PTPRD: variants seen among roughly 807,000 people sequenced by gnomAD.
PTPRD encodes receptor-type tyrosine-protein phosphatase delta.
Under a neutral mutation model 214.5 loss-of-function variants are expected in PTPRD, and 34 were observed. The ratio of observed to expected loss-of-function variants is 0.16; its 90% CI spans 0.12 to 0.21. The LOEUF (loss-of-function observed/expected upper bound fraction) is 0.21. Among genes scored for constraint, PTPRD ranks in the 10% least tolerant of loss-of-function variants. The pLI is 1.00. For synonymous variants in PTPRD, 1,128 were observed against 845.7 expected (o/e 1.33, Z -5.79); for missense variants, 2,545 against 2,398.7 (o/e 1.06, Z -1.27).
chr9:10,115,943 T>C (rs2098727385), intron 3 of PTPRD, among the ~76,000 whole-genome samples: 1 of 152,058 alleles, frequency 6.6e-6, no homozygotes, highest in Admixed American at 6.6e-5. Flanking sequence ...GAATAACTGG[T>C]TGTTTATGGA....
intron 2 of PTPRD, among the ~76,000 whole-genome samples, chr9:10,472,424 G>T (rs1009915576): frequency 6.6e-6 from 1 of 152,054 alleles, no homozygotes; most frequent in African/African-American, 2.4e-5. Flanking sequence ...TGCAAATGTG[G>T]TCCACAAACC....
rs187278537 is a variant in PTPRD at position 10,233,979 on chromosome 9, C to T, written c.-545+106984G>A. 2.7e-3 allele frequency among the ~76,000 whole-genome samples: 402 copies of T among 151,682 alleles called. 3 individuals are homozygous for T. Among genetic ancestry groups the T allele is most frequent in the African/African-American group, 9.4e-3 (389 of 41,424 alleles). On this transcript the variant is annotated intron_variant, in intron 3 of 45. Coordinates refer to ENST00000381196, the MANE Select transcript of PTPRD (RefSeq NM_002839.4). The stretch of plus-strand genomic sequence containing the variant: ...TCTTAATAACCACCCAGAATGAAAG[C>T]AAGATGATCACGCCTGTAATCCCAG...
chr9:9,127,536 T>G (rs28709308), intron 10 of PTPRD, among the ~76,000 whole-genome samples: 7,600 of 152,192 alleles, frequency 0.05, 436 homozygotes, highest in African/African-American at 0.13. Context: ...CTGAAAGGTT[T>G]GACTTGAGCA....
At chr9:10,206,805 G>C (rs73641884) in intron 3 of PTPRD, among the ~76,000 whole-genome samples, 6,442 of 152,140 alleles carry the variant, frequency 0.042, 165 homozygotes, top group Middle Eastern at 0.089. Flanking sequence ...ATCATTAGTA[G>C]CTACATAGAT....
At chr9:9,206,967 A>C in intron 9 of PTPRD, among the ~76,000 whole-genome samples, 1 of 152,326 alleles carries the variant, frequency 6.6e-6, no homozygotes, top group Admixed American at 6.5e-5. Flanking sequence ...GAGAACCCTG[A>C]CTAATACAAA....
chr9:9,441,242 G>C (rs1275496587), intron 8 of PTPRD, among the ~76,000 whole-genome samples: 1 of 152,134 alleles, frequency 6.6e-6, no homozygotes, highest in Non-Finnish European at 1.5e-5. Context: ...GGTGTGGGAG[G>C]CATAACTATG....
chr9:8,692,210 C>A (rs2097822119), intron 12 of PTPRD, among the ~76,000 whole-genome samples: 1 of 152,204 alleles, frequency 6.6e-6, no homozygotes, highest in African/African-American at 2.4e-5. Context: ...TTAGAGAAGG[C>A]TGACTGCTGT....
At chr9:10,380,198 C>A (rs1174175026) in intron 2 of PTPRD, among the ~76,000 whole-genome samples, 1 of 152,024 alleles carries the variant, frequency 6.6e-6, no homozygotes, top group African/African-American at 2.4e-5. Context: ...AAAAGAAACA[C>A]ATAGAGATGT....
intron 3 of PTPRD, among the ~76,000 whole-genome samples, chr9:10,202,261 A>G (rs1029408621): frequency 6.6e-6 from 1 of 152,014 alleles, no homozygotes; most frequent in African/African-American, 2.4e-5. Context: ...ACATTCTAAT[A>G]ATACAGTCAT....
chr9:9,745,974 C>T (rs190800785), intron 6 of PTPRD, among the ~76,000 whole-genome samples: 312 of 152,090 alleles, frequency 2.1e-3, no homozygotes, highest in African/African-American at 7.1e-3. Context: ...ATCTTCATTG[C>T]TTGGGATGGG....
chr9:10,211,232 G>A (rs1255461774), intron 3 of PTPRD, among the ~76,000 whole-genome samples: 1 of 151,990 alleles, frequency 6.6e-6, no homozygotes. Context: ...AGAAATAAAA[G>A]CCATTGATTT....
intron 11 of PTPRD, among the ~76,000 whole-genome samples, chr9:8,904,094 C>T (rs1227519296): frequency 1.3e-5 from 2 of 152,206 alleles, no homozygotes; most frequent in South Asian, 2.1e-4. Context: ...ACATTCTCTT[C>T]ACCAATTGTG....
At chr9:8,553,150 C>T (rs1159918022) in intron 14 of PTPRD, among the ~76,000 whole-genome samples, 1 of 152,170 alleles carries the variant, frequency 6.6e-6, no homozygotes, top group Non-Finnish European at 1.5e-5. Flanking sequence ...TAGTGACCTG[C>T]TTTACAAAGT....
intron 2 of PTPRD, among the ~76,000 whole-genome samples, chr9:10,462,610 G>C (rs1167720603): frequency 6.6e-6 from 1 of 152,014 alleles, no homozygotes; most frequent in Non-Finnish European, 1.5e-5. Flanking sequence ...TTTTTGTCTG[G>C]ATAAGAGTAA....
At chr9:8,612,809 C>A (rs1192941913) in intron 14 of PTPRD, among the ~76,000 whole-genome samples, 1 of 152,160 alleles carries the variant, frequency 6.6e-6, no homozygotes, top group Non-Finnish European at 1.5e-5. Flanking sequence ...GAAGACATTT[C>A]ACATTCTTTT....
At chr9:9,694,062 AAGGTTAT>A (rs1325689891) in intron 7 of PTPRD, among the ~76,000 whole-genome samples, 2 of 152,158 alleles carry the variant, frequency 1.3e-5, no homozygotes, top group African/African-American at 4.8e-5. Context: ...TTTTGCCTCA[AAGGTTAT>A]ATAGCTCTGT....
chr9:8,733,923 T>C lies in PTPRD; in HGVS notation c.-80A>G. ...CGCAGCGAGTCTGTCCGATCTGAAA[T>C]TTCAGCTGGAACACTTTCAGAGCCT... is the stretch of plus-strand genomic sequence containing the variant. On this transcript the variant is annotated 5_prime_UTR_variant, in exon 12 of 46. Coordinates refer to ENST00000381196, the MANE Select transcript of PTPRD (RefSeq NM_002839.4). The C allele has an allele frequency of 3.5e-6, 5 of 1,416,058 alleles. No individual in the cohort carries two copies. Among genetic ancestry groups the C allele is most frequent in the Non-Finnish European group, 4.8e-6 (5 of 1,033,168 alleles). The allele number at this position is 1,416,058 out of a possible 1,614,324, so 87.7% of individuals were successfully genotyped here.
intron 10 of PTPRD, among the ~76,000 whole-genome samples, chr9:9,172,207 C>A (rs1446053042): frequency 2.0e-5 from 3 of 152,030 alleles, no homozygotes; most frequent in Admixed American, 1.3e-4. Flanking sequence ...AGCACAGAGA[C>A]CCTAACACAA....
chr9:8,408,284 T>A (rs2093205364), intron 35 of PTPRD, among the ~76,000 whole-genome samples: 1 of 152,188 alleles, frequency 6.6e-6, no homozygotes, highest in Admixed American at 6.6e-5. Context: ...TCAAAACAAT[T>A]TGAAATAAGC....
Sources: allele counts gnomAD v4.1 joint callset (sites outside exome capture counted in the v4.1 genomes callset), GRCh38; gene constraint gnomAD v4.1.1; transcripts MANE v1.5; gene names NCBI Gene and HGNC (gene_info 2026-07-23, HGNC 2026-07-21).